Variants in RBFOX1 observed in about 807,000 individuals in gnomAD.
RBFOX1 encodes RNA binding protein fox-1 homolog 1.
In RBFOX1, 8 loss-of-function variants were observed where a neutral mutation model predicts 57.7. That is an observed-to-expected ratio of 0.14 (90% CI 0.08 to 0.25). The LOEUF is 0.25. Ranked by LOEUF, RBFOX1 falls within the 10% of genes least tolerant of loss-of-function variation. The pLI is 1.00. For synonymous variants in RBFOX1, 326 were observed against 222.4 expected (o/e 1.47, Z -4.15); for missense variants, 611 against 548.5 (o/e 1.11, Z -1.14).
chr16:6,707,650 A>G (rs547743579), intron 3 of RBFOX1, among the ~76,000 whole-genome samples: 1 of 152,224 alleles, frequency 6.6e-6, no homozygotes, highest in East Asian at 1.9e-4. Flanking sequence ...GTCTCCAGAA[A>G]GGAAGGGCAT....
intron 4 of RBFOX1, among the ~76,000 whole-genome samples, chr16:7,463,934 A>T (rs760003041): frequency 5.3e-5 from 8 of 152,346 alleles, no homozygotes; most frequent in Non-Finnish European, 1.2e-4. Context: ...TATATTTTTT[A>T]AAAAGCCAAG....
chr16:5,616,434 G>T (rs1358673132), intron 3 of RBFOX1, among the ~76,000 whole-genome samples: 1 of 152,130 alleles, frequency 6.6e-6, no homozygotes, highest in African/African-American at 2.4e-5. Context: ...GGAGCATCTG[G>T]CTTGTTAGAG....
intron 2 of RBFOX1, among the ~76,000 whole-genome samples, chr16:6,638,037 C>T: frequency 6.6e-6 from 1 of 152,100 alleles, no homozygotes; most frequent in East Asian, 1.9e-4. Flanking sequence ...GTATCTAAGA[C>T]ACCTTTAGGG....
chr16:7,458,416 C>G (rs926841640), intron 4 of RBFOX1, among the ~76,000 whole-genome samples: 1 of 152,154 alleles, frequency 6.6e-6, no homozygotes, highest in Non-Finnish European at 1.5e-5. Flanking sequence ...TGTTCATGTT[C>G]TGAGAAAGAA....
chr16:7,266,382 A>T (rs2095143754), intron 4 of RBFOX1, among the ~76,000 whole-genome samples: 1 of 152,164 alleles, frequency 6.6e-6, no homozygotes, highest in Admixed American at 6.5e-5. Context: ...ACTTTCCGCC[A>T]TGACGAAAGT....
intron 3 of RBFOX1, among the ~76,000 whole-genome samples, chr16:5,714,336 A>G (rs994620852): frequency 2.6e-5 from 4 of 152,164 alleles, no homozygotes; most frequent in African/African-American, 9.7e-5. Context: ...GTCTTCACCC[A>G]TTGCCTTGAA....
chr16:6,916,166 C>T (rs1229646540), intron 3 of RBFOX1, among the ~76,000 whole-genome samples: 3 of 152,022 alleles, frequency 2.0e-5, no homozygotes, highest in Non-Finnish European at 4.4e-5. Context: ...AAAGTTGACA[C>T]GTTGTTATGC....
chr16:6,636,502 C>A (rs2098435140), intron 2 of RBFOX1, among the ~76,000 whole-genome samples: 1 of 151,712 alleles, frequency 6.6e-6, no homozygotes, highest in Non-Finnish European at 1.5e-5. Context: ...GAGTGCTCAA[C>A]CTTTAATAAC....
chr16:7,234,047 T>C (rs992916018), intron 4 of RBFOX1, among the ~76,000 whole-genome samples: 5 of 152,184 alleles, frequency 3.3e-5, no homozygotes, highest in Non-Finnish European at 7.3e-5. Context: ...TACATTATCA[T>C]GAGAAGAGAG....
intron 3 of RBFOX1, among the ~76,000 whole-genome samples, chr16:5,699,362 T>G (rs942985547): frequency 1.0e-5 from 1 of 96,066 alleles, no homozygotes; most frequent in African/African-American, 3.8e-5. Context: ...TATTTTCCCT[T>G]AATTTTCCTT....
intron 1 of RBFOX1, among the ~76,000 whole-genome samples, chr16:5,390,525 G>A (rs1279115966): frequency 6.6e-6 from 1 of 152,152 alleles, no homozygotes; most frequent in African/African-American, 2.4e-5. Context: ...CTGACCTCAA[G>A]TGATCCACCT....
chr16:7,399,767 C>A (rs1484462464), intron 4 of RBFOX1, among the ~76,000 whole-genome samples: 9 of 152,094 alleles, frequency 5.9e-5, no homozygotes, highest in African/African-American at 2.2e-4. Context: ...CTGCAAAGAC[C>A]CTCTTCCCAA....
Position 7,333,125 on chromosome 16 carries a change from C to T in RBFOX1, c.28-185022C>T, listed in dbSNP as rs764391846. On this transcript the variant is annotated intron_variant, in intron 4 of 15. Coordinates refer to ENST00000550418, the MANE Select transcript of RBFOX1 (RefSeq NM_018723.4). Reference sequence around the variant, plus strand: ...CCTCTGCCAGCCAGCAACTTAACTCCAGAGTGCTCAGAGTAATAATTGGAA... The same window carrying T: ...CCTCTGCCAGCCAGCAACTTAACTCTAGAGTGCTCAGAGTAATAATTGGAA... 3 of 1,562,576 alleles carry T rather than the reference C, an allele frequency of 1.9e-6. No homozygotes were observed. In the South Asian group the frequency reaches 3.3e-5, roughly 17 times the overall value.
chr16:6,966,291 G>A (rs1228938231), intron 3 of RBFOX1, among the ~76,000 whole-genome samples: 1 of 152,096 alleles, frequency 6.6e-6, no homozygotes, highest in Admixed American at 6.5e-5. Flanking sequence ...CACTCCTGCA[G>A]GCACTGAGGA....
chr16:6,155,759 C>T (rs966504608), intron 1 of RBFOX1, among the ~76,000 whole-genome samples: 2 of 152,176 alleles, frequency 1.3e-5, no homozygotes, highest in Non-Finnish European at 2.9e-5. Context: ...ACAGCGGCGG[C>T]TTCCATGTGG....
intron 3 of RBFOX1, among the ~76,000 whole-genome samples, chr16:5,708,046 A>C (rs2051317541): frequency 6.6e-6 from 1 of 152,178 alleles, no homozygotes; most frequent in Non-Finnish European, 1.5e-5. Context: ...GAAAGAGAGA[A>C]TAAAAGAAGG....
intron 1 of RBFOX1, among the ~76,000 whole-genome samples, chr16:5,398,565 TAC>T (rs1357435551): frequency 2.0e-5 from 3 of 150,338 alleles, no homozygotes; most frequent in Non-Finnish European, 2.9e-5. Flanking sequence ...TGTGCATCTG[TAC>T]GTGTGTGTGT....
chr16:7,209,044 C>G (rs1001543172), intron 4 of RBFOX1, among the ~76,000 whole-genome samples: 2 of 151,912 alleles, frequency 1.3e-5, no homozygotes, highest in African/African-American at 2.4e-5. Context: ...CCCATAATCC[C>G]AGCACTTTGG....
At chr16:5,285,807 C>G (rs2063380218) in intron 1 of RBFOX1, among the ~76,000 whole-genome samples, 1 of 152,118 alleles carries the variant, frequency 6.6e-6, no homozygotes, top group Admixed American at 6.6e-5. Context: ...GAGTCTTGCT[C>G]TGTCACCAGG....
Sources: allele counts gnomAD v4.1 joint callset (sites outside exome capture counted in the v4.1 genomes callset), GRCh38; gene constraint gnomAD v4.1.1; transcripts MANE v1.5; gene names NCBI Gene and HGNC (gene_info 2026-07-23, HGNC 2026-07-21).